The following GRIK2 variants were observed in gnomAD, a reference collection of about 807,000 sequenced individuals.
GRIK2 encodes the protein glutamate ionotropic receptor kainate type subunit 2.
In GRIK2, 32 loss-of-function variants were observed where a neutral mutation model predicts 100.3. The ratio of observed to expected loss-of-function variants is 0.32; its 90% CI spans 0.24 to 0.43. GRIK2 has a LOEUF of 0.43. Among genes scored for constraint, GRIK2 ranks in the 20% least tolerant of loss-of-function variants. The pLI is 1.00. For synonymous variants in GRIK2, 417 were observed against 389.4 expected, an observed-to-expected ratio of 1.07 and a Z score of -0.83; for missense variants, 843 against 1,114.9, an observed-to-expected ratio of 0.76 and a Z score of 3.47.
intron 4 of GRIK2, among the ~76,000 whole-genome samples, chr6:101,660,127 T>C (rs1769504711): frequency 6.6e-6 from 1 of 152,206 alleles, no homozygotes; most frequent in Non-Finnish European, 1.5e-5. Context: ...ATAAGTTTGG[T>C]TTTCTCACAT....
chr6:101,859,923 T>C (rs1784642648), intron 11 of GRIK2, among the ~76,000 whole-genome samples: 2 of 152,196 alleles, frequency 1.3e-5, no homozygotes, highest in African/African-American at 2.4e-5. Context: ...GAGGGGTGTT[T>C]CTTTCCTTAT....
chr6:101,969,488 T>C (rs1223632820), intron 14 of GRIK2, among the ~76,000 whole-genome samples: 1 of 152,106 alleles, frequency 6.6e-6, no homozygotes, highest in East Asian at 1.9e-4. Context: ...TATGAAAATA[T>C]GAACAATGAC....
At position 101,821,629 on chromosome 6, in the gene GRIK2, G is replaced by A. The variant is rs148820905; in HGVS notation, c.1317+3146G>A. 3.8e-3 allele frequency among the ~76,000 whole-genome samples: 575 copies of A among 151,718 alleles called. 3 individuals carry two copies. Among genetic ancestry groups the A allele is most frequent in the Admixed American group, 7.7e-3 (117 of 15,208 alleles). On this transcript the variant is annotated intron_variant, in intron 10 of 16. Transcript: ENST00000369134. The stretch of plus-strand genomic sequence containing the variant: ...ATATTTCCTAAAAGGATAAAATAAG[G>A]CACTTTATTTTTATACCTTTTAGTT...
chr6:101,721,206 C>T (rs961102361), intron 7 of GRIK2, among the ~76,000 whole-genome samples: 1 of 146,548 alleles, frequency 6.8e-6, no homozygotes, highest in Admixed American at 6.7e-5. Context: ...GTGGATGTCT[C>T]TTTTCTATTC....
chr6:101,543,158 C>A (rs1440309718), intron 2 of GRIK2, among the ~76,000 whole-genome samples: 1 of 152,118 alleles, frequency 6.6e-6, no homozygotes, highest in South Asian at 2.1e-4. Flanking sequence ...TGGAATAGAT[C>A]AATTTTGTAA....
At chr6:101,999,667 T>C (rs1208627216) in intron 14 of GRIK2, among the ~76,000 whole-genome samples, 2 of 152,058 alleles carry the variant, frequency 1.3e-5, no homozygotes, top group African/African-American at 4.8e-5. Context: ...CCAATCCAAA[T>C]GACTATATAA....
chr6:101,988,104 T>C (rs1422477551), intron 14 of GRIK2, among the ~76,000 whole-genome samples: 14,287 of 52,944 alleles, frequency 0.27, 1,904 homozygotes, highest in African/African-American at 0.49. Context: ...TGTGTGTGTG[T>C]GTGTGTGTGT....
chr6:101,873,702 A>C (rs1785593644), intron 11 of GRIK2, among the ~76,000 whole-genome samples: 1 of 152,044 alleles, frequency 6.6e-6, no homozygotes, highest in African/African-American at 2.4e-5. Context: ...ACTAGTTTAC[A>C]GTCCCACCAA....
intron 14 of GRIK2, among the ~76,000 whole-genome samples, chr6:101,991,489 G>C (rs1205867199): frequency 2.0e-5 from 3 of 150,382 alleles, no homozygotes; most frequent in African/African-American, 7.3e-5. Flanking sequence ...TTGTTGTATA[G>C]CTTTTTATAA....
At chr6:101,475,846 C>A (rs143470594) in intron 2 of GRIK2, among the ~76,000 whole-genome samples, 1 of 151,814 alleles carries the variant, frequency 6.6e-6, no homozygotes, top group Non-Finnish European at 1.5e-5. Context: ...CTAAAACATA[C>A]AAAAATTTTA....
At chr6:101,637,622 G>A (rs1781086606) in intron 4 of GRIK2, among the ~76,000 whole-genome samples, 1 of 152,068 alleles carries the variant, frequency 6.6e-6, no homozygotes, top group Non-Finnish European at 1.5e-5. Flanking sequence ...AGAGAAAAGG[G>A]TCTTTTTTTG....
intron 7 of GRIK2, among the ~76,000 whole-genome samples, chr6:101,689,638 C>A (rs1442811578): frequency 1.3e-5 from 2 of 152,020 alleles, no homozygotes; most frequent in Non-Finnish European, 2.9e-5. Flanking sequence ...ATAAACCCAA[C>A]CAAGGAACCA....
intron 2 of GRIK2, among the ~76,000 whole-genome samples, chr6:101,560,079 T>G (rs754992398): frequency 6.6e-5 from 10 of 152,172 alleles, no homozygotes; most frequent in Non-Finnish European, 1.3e-4. Context: ...AAACAAATGG[T>G]TAGGAATTAG....
At chr6:101,575,542 A>T (rs1165017889) in intron 2 of GRIK2, among the ~76,000 whole-genome samples, 1 of 152,046 alleles carries the variant, frequency 6.6e-6, no homozygotes, top group Non-Finnish European at 1.5e-5. Context: ...GAAACTAAAC[A>T]TATCTGAATA....
intron 10 of GRIK2, among the ~76,000 whole-genome samples, chr6:101,825,260 A>G (rs760336603): frequency 1.3e-5 from 2 of 152,090 alleles, no homozygotes; most frequent in Admixed American, 6.6e-5. Context: ...TTTTCTCACC[A>G]TATTTTTTCT....
Position 101,767,865 on chromosome 6 carries a change from TA to T in GRIK2, c.952-31782del, listed in dbSNP as rs1778133401. Reference sequence around the variant, plus strand: ...TAGATAATTATTTTATTTTTATTTTTATTTTTTTTTGAAACAGGGTCTGCCT... The same window carrying T: ...TAGATAATTATTTTATTTTTATTTTTTTTTTTTTTGAAACAGGGTCTGCCT... On this transcript the variant is annotated intron_variant, in intron 7 of 16. Coordinates refer to ENST00000369134, the MANE Select transcript of GRIK2 (RefSeq NM_021956.5). Among the ~76,000 whole-genome samples, 4 of 152,212 alleles carry T rather than the reference TA, an allele frequency of 2.6e-5. No homozygotes were observed. The South Asian group carries it at 8.3e-4, about 32-fold the overall frequency.
intron 14 of GRIK2, among the ~76,000 whole-genome samples, chr6:102,031,358 T>C (rs1582754923): frequency 6.6e-6 from 1 of 151,324 alleles, no homozygotes; most frequent in Admixed American, 6.6e-5. Flanking sequence ...TTCTTGCATG[T>C]TAACTATTTA....
At position 102,069,095 on chromosome 6, in the gene GRIK2, A is replaced by G. The variant is rs1363916500; in HGVS notation, c.*584A>G. 2.6e-5 allele frequency: 4 copies of G among 151,400 alleles called. No homozygotes were observed. The highest frequency in any genetic ancestry group is 9.7e-5 in the African/African-American group (4 of 41,362). 9.4% of individuals were successfully genotyped at this position (151,400 alleles called of 1,614,324 possible). On this transcript the variant is annotated 3_prime_UTR_variant, in exon 17 of 17. Transcript: ENST00000369134. ...TTGAATCCCATGGCAGTTGGAATAT[A>G]AAGCAGATGTTCATCACTTATTTTC...
chr6:101,749,702 G>T (rs1007335708), intron 7 of GRIK2, among the ~76,000 whole-genome samples: 3 of 151,726 alleles, frequency 2.0e-5, no homozygotes, highest in African/African-American at 7.3e-5. Flanking sequence ...CTAAATCAAG[G>T]CAACTATTCA....
Sources: allele counts gnomAD v4.1 joint callset (sites outside exome capture counted in the v4.1 genomes callset), GRCh38; gene constraint gnomAD v4.1.1; transcripts MANE v1.5; gene names NCBI Gene and HGNC (gene_info 2026-07-23, HGNC 2026-07-21).